The following SEMA5B variants were observed in gnomAD, a reference collection of about 807,000 sequenced individuals.
SEMA5B encodes semaphorin-5B.
A neutral mutation model predicts 135.0 loss-of-function variants in SEMA5B; 66 were observed. That is an observed-to-expected ratio of 0.49 (90% CI 0.40 to 0.60). SEMA5B has a LOEUF of 0.60. Among genes scored for constraint, SEMA5B ranks in the 20% least tolerant of loss-of-function variants. SEMA5B has a pLI of 0.00. For missense variants in SEMA5B, 1,501 were observed against 1,566.3 expected, an observed-to-expected ratio of 0.96 and a Z score of 0.70; for synonymous variants, 690 against 639.5, an observed-to-expected ratio of 1.08 and a Z score of -1.19.
intron 1 of SEMA5B, among the ~76,000 whole-genome samples, chr3:123,007,099 C>G (rs1157230539): frequency 6.6e-6 from 1 of 152,160 alleles, no homozygotes; most frequent in Non-Finnish European, 1.5e-5. Flanking sequence ...GAGCATGGGG[C>G]AAATTTGCAA....
chr3:122,944,160 C>T (rs1270898996), intron 3 of SEMA5B, among the ~76,000 whole-genome samples: 1 of 152,218 alleles, frequency 6.6e-6, no homozygotes, highest in Non-Finnish European at 1.5e-5. Flanking sequence ...CAGTGCCTGG[C>T]ACAGTGATTA....
rs777656387 is a variant in SEMA5B at position 122,926,509 on chromosome 3, A to G, written c.1019T>C (p.Met340Thr). Residue 340 changes from methionine to threonine, a missense_variant, in exon 9 of 23, where the codon ATG (methionine) becomes ACG (threonine). Around this residue, in one of 2 missense-constraint regions of SEMA5B, gnomAD observed 574 missense variants for 684.7 expected, o/e 0.84. Coordinates refer to ENST00000357599, the MANE Select transcript of SEMA5B (RefSeq NM_001031702.4). ...FLLEDTWTTF[M>T]KARLNCSRPG... ...GCGGGAGCAGTTGAGCCGGGCCTTCATGAATGTGGTCCATGTGTCCTCCAG... is the reference window on the plus strand; with the variant it reads ...GCGGGAGCAGTTGAGCCGGGCCTTCGTGAATGTGGTCCATGTGTCCTCCAG... 3 of 1,614,246 alleles carry G rather than the reference A, an allele frequency of 1.9e-6. No individual in the cohort carries two copies. The highest frequency in any genetic ancestry group is 2.5e-6 in the Non-Finnish European group (3 of 1,180,050).
At chr3:123,013,676 C>G (rs187683279) in intron 1 of SEMA5B, among the ~76,000 whole-genome samples, 2 of 152,356 alleles carry the variant, frequency 1.3e-5, no homozygotes, top group East Asian at 3.9e-4. Context: ...CTGAGGCCCT[C>G]ACATCTAGCT....
chr3:122,953,021 T>A (rs1940127718), intron 2 of SEMA5B, among the ~76,000 whole-genome samples: 1 of 152,222 alleles, frequency 6.6e-6, no homozygotes, highest in Non-Finnish European at 1.5e-5. Flanking sequence ...AGTTCCTTTA[T>A]TAAACTGCCC....
intron 1 of SEMA5B, among the ~76,000 whole-genome samples, chr3:122,970,345 C>A (rs1324550228): frequency 2.0e-5 from 3 of 152,230 alleles, no homozygotes; most frequent in African/African-American, 7.2e-5. Flanking sequence ...CACTAATGTG[C>A]ATCAGAATTG....
intron 1 of SEMA5B, among the ~76,000 whole-genome samples, chr3:123,017,988 G>A (rs1942600496): frequency 6.6e-6 from 1 of 152,156 alleles, no homozygotes; most frequent in African/African-American, 2.4e-5. Flanking sequence ...TTTTTAGTGG[G>A]TCTGGGGTGC....
intron 3 of SEMA5B, 114 bp from the exon 4 acceptor site, chr3:122,943,649 C>T: frequency 2.8e-6 from 2 of 717,198 alleles, no homozygotes; most frequent in South Asian, 1.8e-5. Context: ...GGCGGTGGCA[C>T]CCGGGAGACC....
Position 122,928,341 on chromosome 3 carries a change from A to T in SEMA5B, c.636+176T>A, listed in dbSNP as rs557562443. ...CCCAGACACTTCATGGGACACATTT[A>T]TGCTAAAATATCACTTATTGTTTAT... On this transcript the variant is annotated intron_variant, in intron 7 of 22. Coordinates refer to ENST00000357599, the MANE Select transcript of SEMA5B (RefSeq NM_001031702.4). Among the ~76,000 whole-genome samples, 3 of 152,356 alleles carry T rather than the reference A, an allele frequency of 2.0e-5. 1 individual carries two copies. In the South Asian group the frequency reaches 6.2e-4, roughly 32 times the overall value.
At chr3:122,964,663 G>T (rs115990669) in intron 1 of SEMA5B, among the ~76,000 whole-genome samples, 4 of 152,122 alleles carry the variant, frequency 2.6e-5, no homozygotes, top group Admixed American at 2.0e-4. Flanking sequence ...AAGGGAACCC[G>T]CTCTTCCTGG....
intron 12 of SEMA5B, among the ~76,000 whole-genome samples, chr3:122,918,492 G>A (rs1263320493): frequency 3.3e-5 from 5 of 152,242 alleles, no homozygotes; most frequent in Non-Finnish European, 5.9e-5. Flanking sequence ...GAGAACTGCT[G>A]TGCCAGGGGC....
chr3:122,975,760 A>G (rs918280046), intron 1 of SEMA5B, among the ~76,000 whole-genome samples: 1 of 151,904 alleles, frequency 6.6e-6, no homozygotes, highest in African/African-American at 2.4e-5. Context: ...TCTCCAATCC[A>G]TCCTACACAA....
rs577064471 is a variant in SEMA5B at position 122,913,992 on chromosome 3, C to T, written c.1998G>A (p.Ala666=). 1,191 of 1,591,382 alleles carry T rather than the reference C, an allele frequency of 7.5e-4. 19 individuals are homozygous for T. In the South Asian group the frequency reaches 0.013, roughly 17 times the overall value. The part of the protein sequence containing the change: ...IHIANCSRNG[A]WTPWSSWALC... ...GCGCCCACGATGACCACGGGGTCCACGCCCCATTCCTGGCGGGGTGGGAGG... is the reference window on the plus strand; with the variant it reads ...GCGCCCACGATGACCACGGGGTCCATGCCCCATTCCTGGCGGGGTGGGAGG... Residue 666 remains alanine, a synonymous_variant, in exon 15 of 23, where the codon GCG becomes GCA. Coordinates refer to ENST00000357599, the MANE Select transcript of SEMA5B (RefSeq NM_001031702.4).
intron 5 of SEMA5B, among the ~76,000 whole-genome samples, chr3:122,930,430 C>T (rs1051304903): frequency 6.6e-5 from 10 of 152,246 alleles, no homozygotes; most frequent in East Asian, 1.9e-4. Context: ...CACTGTCATA[C>T]TCAGGACCCA....
chr3:122,913,262 C>T lies in SEMA5B; in HGVS notation c.2443G>A (p.Gly815Ser), dbSNP rs533705640. The stretch of plus-strand genomic sequence containing the variant: ...GTCCTCGTCTCGGTCCTTCTCCTGC[C>T]GAACTGCAGGCCGTGCGGGTCTGCA... ...PLADPHGLQF[G>S]RRRTETRTCP... Residue 815 changes from glycine (G) to serine (S), a missense_variant, in exon 17 of 23, where the codon GGC becomes AGC. Gly to Ser is a moderately conservative substitution (Grantham distance 56, BLOSUM62 0). Transcript: ENST00000357599. The T allele has an allele frequency of 2.5e-6, 4 of 1,585,420 alleles. No homozygotes were observed. In the South Asian group the frequency reaches 3.4e-5, roughly 13 times the overall value.
Position 122,948,653 on chromosome 3 carries a change from G to C in SEMA5B, c.181C>G (p.Leu61Val). 1 of 1,613,682 alleles carries C rather than the reference G, an allele frequency of 6.2e-7. No individual in the cohort carries two copies. Among genetic ancestry groups the C allele is most frequent in the Middle Eastern group, 1.7e-4 (1 of 6,058 alleles). Reference protein sequence around the residue: ...ARTAEGPIMVLAGPLAVSLLL... With the variant: ...ARTAEGPIMVVAGPLAVSLLL... ...AGCGAGACAGCCAGGGGGCCTGCAAGCACCATGATAGGCCCCTCTGCAGTC... is the reference window on the plus strand; with the variant it reads ...AGCGAGACAGCCAGGGGGCCTGCAACCACCATGATAGGCCCCTCTGCAGTC... The change falls in exon 3 of 23, where the codon CTT becomes GTT. Residue 61 changes from leucine to valine, a missense_variant. This residue lies in a region of SEMA5B where 574 missense variants were observed against 684.7 expected (regional missense o/e 0.84). Coordinates refer to ENST00000357599, the MANE Select transcript of SEMA5B (RefSeq NM_001031702.4).
chr3:122,913,164 G>A (rs762803639), intron 17 of SEMA5B, 35 bp downstream of exon 17: 2 of 1,510,466 alleles, frequency 1.3e-6, no homozygotes, highest in South Asian at 2.5e-5. Context: ...CCGGGGCTGG[G>A]AGAGAGGAAG....
intron 3 of SEMA5B, among the ~76,000 whole-genome samples, chr3:122,946,206 T>A (rs1046177091): frequency 9.2e-5 from 14 of 152,220 alleles, no homozygotes; most frequent in African/African-American, 7.2e-5. Context: ...CTTCTCCTGC[T>A]GCCTGGAAAG....
intron 4 of SEMA5B, among the ~76,000 whole-genome samples, chr3:122,941,572 G>A (rs372493299): frequency 6.6e-6 from 1 of 152,338 alleles, no homozygotes; most frequent in Middle Eastern, 3.4e-3. Flanking sequence ...ATACATGTGT[G>A]ATTTACTACC....
intron 1 of SEMA5B, among the ~76,000 whole-genome samples, chr3:123,005,670 C>T (rs1294453807): frequency 6.6e-6 from 1 of 152,132 alleles, no homozygotes; most frequent in African/African-American, 2.4e-5. Context: ...ACTCAGGACT[C>T]CTTGGCCACC....
Sources: gnomAD v4.1 joint callset for allele counts (sites outside exome capture counted in the v4.1 genomes callset) on GRCh38, gnomAD v4.1.1 for gene constraint, gnomAD v4.1.1 regional missense constraint, MANE v1.5 for transcripts, NCBI Gene and HGNC (gene_info 2026-07-23, HGNC 2026-07-21) for gene names.